The following NAALADL2 variants were observed in gnomAD, a reference collection of about 807,000 sequenced individuals.
The protein encoded by NAALADL2 is inactive N-acetylated-alpha-linked acidic dipeptidase-like protein 2.
In NAALADL2, 76 loss-of-function variants were observed where a neutral mutation model predicts 87.2. That is an observed-to-expected ratio of 0.87 (90% CI 0.72 to 1.05). The LOEUF (loss-of-function observed/expected upper bound fraction) is 1.05. NAALADL2 is among the 50% of genes least tolerant of loss of function. NAALADL2 has a pLI of 0.00. For missense variants in NAALADL2, 1,089 were observed against 945.8 expected, an observed-to-expected ratio of 1.15 and a Z score of -1.99; for synonymous variants, 354 against 331.0, an observed-to-expected ratio of 1.07 and a Z score of -0.75.
intron 2 of NAALADL2, among the ~76,000 whole-genome samples, chr3:175,161,024 T>A (rs1401896672): frequency 2.0e-5 from 3 of 152,288 alleles, no homozygotes; most frequent in Non-Finnish European, 1.5e-5. Context: ...TAGTCAAATA[T>A]GTGCAAAAAT....
chr3:174,606,800 G>A (rs953193145), intron 2 of NAALADL2, among the ~76,000 whole-genome samples: 96 of 152,060 alleles, frequency 6.3e-4, no homozygotes, highest in Non-Finnish European at 7.6e-4. Flanking sequence ...CCAACATTCA[G>A]ATTCAGGAAA....
chr3:174,840,870 T>A lies in NAALADL2; in HGVS notation c.-9+103124T>A, dbSNP rs545360340. 8.9e-4 allele frequency among the ~76,000 whole-genome samples: 136 copies of A among 152,256 alleles called. 2 individuals are homozygous for A. In the South Asian group the frequency reaches 0.027, roughly 30 times the overall value. On this transcript the variant is annotated intron_variant, in intron 3 of 3. Coordinates refer to the NAALADL2 transcript ENST00000434257. ...GAAGGCTGGATACTTTAATCCTTCA[T>A]CTTTTCTTTAACAATACTAGCTGGT...
intron 1 of NAALADL2, among the ~76,000 whole-genome samples, chr3:174,986,449 G>A (rs1745895561): frequency 1.3e-5 from 2 of 151,638 alleles, no homozygotes; most frequent in African/African-American, 2.4e-5. Flanking sequence ...GGTTTGCAAA[G>A]CTACATTCTT....
At chr3:174,573,391 C>T (rs2108540516) in intron 2 of NAALADL2, among the ~76,000 whole-genome samples, 1 of 152,288 alleles carries the variant, frequency 6.6e-6, no homozygotes, top group Non-Finnish European at 1.5e-5. Flanking sequence ...CCTCAGTCTC[C>T]TGAGTAGCTG....
intron 9 of NAALADL2, among the ~76,000 whole-genome samples, chr3:175,507,812 C>T (rs1341107582): frequency 2.0e-5 from 3 of 152,168 alleles, no homozygotes; most frequent in Non-Finnish European, 4.4e-5. Flanking sequence ...TTCCCCTCCG[C>T]ACTCATGTAC....
chr3:174,738,667 T>C (rs1733461603), intron 3 of NAALADL2, among the ~76,000 whole-genome samples: 2 of 152,252 alleles, frequency 1.3e-5, no homozygotes, highest in Non-Finnish European at 2.9e-5. Flanking sequence ...GGCCTTGAGA[T>C]TGAATTAATT....
chr3:174,468,615 A>G (rs1000862827), intron 1 of NAALADL2, among the ~76,000 whole-genome samples: 2 of 151,700 alleles, frequency 1.3e-5, no homozygotes, highest in Non-Finnish European at 2.9e-5. Context: ...TCCTGACCTC[A>G]GGTGATCTGC....
At chr3:174,471,571 A>ATT (rs11425421) in intron 1 of NAALADL2, among the ~76,000 whole-genome samples, 2 of 151,574 alleles carry the variant, frequency 1.3e-5, no homozygotes, top group African/African-American at 4.8e-5. Flanking sequence ...GAGACTATCA[A>ATT]TTTTTTTTAA....
intron 5 of NAALADL2, among the ~76,000 whole-genome samples, chr3:175,409,487 A>G (rs1713056396): frequency 6.6e-6 from 1 of 151,962 alleles, no homozygotes; most frequent in Admixed American, 6.6e-5. Flanking sequence ...TGAAAATTCT[A>G]TATGTATGTT....
At chr3:175,174,609 T>G (rs1294678624) in intron 2 of NAALADL2, among the ~76,000 whole-genome samples, 1 of 152,038 alleles carries the variant, frequency 6.6e-6, no homozygotes, top group Non-Finnish European at 1.5e-5. Context: ...TTAAGTTTAA[T>G]TGGATAATTA....
chr3:175,561,602 T>C (rs931699586), intron 9 of NAALADL2, among the ~76,000 whole-genome samples: 18 of 152,192 alleles, frequency 1.2e-4, no homozygotes, highest in Non-Finnish European at 2.4e-4. Context: ...ATATGTATAC[T>C]GTATGCAATA....
chr3:175,291,167 A>G (rs185432492), intron 4 of NAALADL2, among the ~76,000 whole-genome samples: 153 of 152,248 alleles, frequency 1.0e-3, no homozygotes, highest in Middle Eastern at 3.4e-3. Flanking sequence ...TTGGAGTAAA[A>G]AATAAATTCA....
intron 5 of NAALADL2, among the ~76,000 whole-genome samples, chr3:175,371,503 A>G (rs1766496827): frequency 6.6e-6 from 1 of 151,996 alleles, no homozygotes; most frequent in Admixed American, 6.6e-5. Flanking sequence ...TTATTTAGAA[A>G]CCATTCTGTG....
intron 3 of NAALADL2, among the ~76,000 whole-genome samples, chr3:174,766,560 C>T (rs996332737): frequency 6.6e-6 from 1 of 152,138 alleles, no homozygotes; most frequent in Non-Finnish European, 1.5e-5. Context: ...TTCAAAAGAG[C>T]CTTAACAAAT....
At chr3:175,322,013 A>G (rs932574254) in intron 4 of NAALADL2, among the ~76,000 whole-genome samples, 2 of 152,044 alleles carry the variant, frequency 1.3e-5, no homozygotes, top group Non-Finnish European at 2.9e-5. Context: ...GAACCAAAAA[A>G]GAGCCCGCAT....
In NAALADL2 at chr3:174,780,756, T is replaced by A. The variant is rs141416810; in HGVS notation, c.-9+43010T>A. ...TGAGATAATCATGTTTTTTTTGTCA[T>A]TGGGGCATTTAGCCAATTTACATTT... On this transcript the variant is annotated intron_variant, in intron 3 of 3. Coordinates refer to the NAALADL2 transcript ENST00000434257. Among the ~76,000 whole-genome samples, 92 of 152,302 alleles carry A rather than the reference T, an allele frequency of 6.0e-4. 1 individual carries two copies. In the East Asian group the frequency reaches 0.012, roughly 20 times the overall value.
intron 9 of NAALADL2, among the ~76,000 whole-genome samples, chr3:175,563,402 A>G (rs1582414790): frequency 6.7e-6 from 1 of 149,238 alleles, no homozygotes; most frequent in South Asian, 2.1e-4. Flanking sequence ...AAATTAAGAA[A>G]GAATGTTTTT....
At chr3:174,994,303 G>A (rs1304367684) in intron 1 of NAALADL2, among the ~76,000 whole-genome samples, 1 of 152,176 alleles carries the variant, frequency 6.6e-6, no homozygotes, top group African/African-American at 2.4e-5. Flanking sequence ...GCAGAGGGAT[G>A]TGAGGGTTCT....
At chr3:175,149,940 A>G (rs1007061091) in intron 2 of NAALADL2, among the ~76,000 whole-genome samples, 2 of 152,186 alleles carry the variant, frequency 1.3e-5, no homozygotes, top group Non-Finnish European at 2.9e-5. Context: ...CGTGTTTGAC[A>G]GTAACATCTG....
Sources: gnomAD v4.1 joint callset for allele counts (sites outside exome capture counted in the v4.1 genomes callset) on GRCh38, gnomAD v4.1.1 for gene constraint, MANE v1.5 for transcripts, NCBI Gene and HGNC (gene_info 2026-07-23, HGNC 2026-07-21) for gene names.